Variants in MAST3 observed in about 807,000 individuals in gnomAD.
MAST3 encodes the protein microtubule associated serine/threonine kinase 3, also known as microtubule-associated serine/threonine-protein kinase 3.
MAST3 carries 43 observed loss-of-function variants against 127.0 expected under a neutral mutation model. That is an observed-to-expected ratio of 0.34 (90% CI 0.27 to 0.44). The LOEUF (loss-of-function observed/expected upper bound fraction) is 0.44, where lower values mean the gene tolerates loss of function less well. Among genes scored for constraint, MAST3 ranks in the 20% least tolerant of loss-of-function variants. MAST3 has a pLI of 1.00. For synonymous variants in MAST3, 785 were observed against 809.2 expected, an observed-to-expected ratio of 0.97 and a Z score of 0.51; for missense variants, 1,390 against 1,919.1, an observed-to-expected ratio of 0.72 and a Z score of 5.15.
chr19:18,146,896 T>A lies in MAST3; in HGVS notation c.3178T>A (p.Ser1060Thr), dbSNP rs1046504298. ...CCTCCCGCAGAGCGGCAACAAGATA[T>A]CCCTGCGGACCACAGCCCTGGAGAA... ...ELLLKSGNKI[S>T]LRTTALENTS... Residue 1060 changes from serine (S) to threonine (T), a missense_variant, in exon 26 of 28, where the codon TCC becomes ACC. Around this residue, in one of 5 missense-constraint regions of MAST3, gnomAD observed 816 missense variants for 934.1 expected, o/e 0.87. Coordinates refer to ENST00000687212, the MANE Select transcript of MAST3 (RefSeq NM_001393504.1). The A allele has an allele frequency of 3.9e-6, 6 of 1,554,948 alleles. No individual in the cohort carries two copies. The East Asian group carries it at 1.2e-4, about 31-fold the overall frequency.
chr19:18,147,075 G>A (rs1475620729), intron 26 of MAST3, 31 bp downstream of exon 26: 2 of 1,436,388 alleles, frequency 1.4e-6, no homozygotes, highest in Non-Finnish European at 1.8e-6. Flanking sequence ...CGGGGACTGG[G>A]GTTCTTTTTT....
At chr19:18,123,403 G>T (rs371334707) in intron 7 of MAST3, 29 bp downstream of exon 7, 161 of 1,591,670 alleles carry the variant, frequency 1.0e-4, no homozygotes, top group Non-Finnish European at 5.3e-5. Flanking sequence ...CCCCAGCCCC[G>T]GCCCCTCCCT....
intron 27 of MAST3, among the ~76,000 whole-genome samples, chr19:18,148,618 A>C (rs1014934030): frequency 2.0e-5 from 3 of 152,044 alleles, no homozygotes; most frequent in Non-Finnish European, 4.4e-5. Context: ...AAAGTCTGGC[A>C]TGAACCAGGC....
intron 11 of MAST3, among the ~76,000 whole-genome samples, chr19:18,127,214 C>T (rs2040752742): frequency 6.6e-6 from 1 of 152,038 alleles, no homozygotes; most frequent in Admixed American, 6.6e-5. Context: ...GGCACCACTG[C>T]ACTCCAGCCT....
intron 1 of MAST3, among the ~76,000 whole-genome samples, chr19:18,105,076 C>T (rs1169466862): frequency 1.3e-5 from 2 of 152,096 alleles, no homozygotes; most frequent in African/African-American, 4.8e-5. Context: ...TTTAATAAAC[C>T]CTCGTGATTG....
At chr19:18,135,867 G>A (rs1178064005) in intron 18 of MAST3, 26 bp downstream of exon 18, 6 of 1,561,654 alleles carry the variant, frequency 3.8e-6, no homozygotes, top group East Asian at 2.3e-5. Context: ...GAGAACCCAG[G>A]TGGGTGGCTC....
chr19:18,148,250 G>A (rs1447207304), intron 27 of MAST3, among the ~76,000 whole-genome samples: 3 of 151,716 alleles, frequency 2.0e-5, no homozygotes, highest in Non-Finnish European at 4.4e-5. Context: ...GCGGTGAGCC[G>A]AGATTGAGCC....
chr19:18,117,521 G>T (rs273476), intron 3 of MAST3, among the ~76,000 whole-genome samples: 1 of 152,126 alleles, frequency 6.6e-6, no homozygotes, highest in South Asian at 2.1e-4. Flanking sequence ...GGAGCCCCCA[G>T]CCTGGGGAAG....
At chr19:18,126,938 G>A (rs903533634) in intron 11 of MAST3, among the ~76,000 whole-genome samples, 10 of 151,244 alleles carry the variant, frequency 6.6e-5, no homozygotes, top group African/African-American at 2.2e-4. Flanking sequence ...CCGCCACCAC[G>A]CCCGGCTAAT....
At chr19:18,130,136 C>T (rs537716644) in intron 13 of MAST3, among the ~76,000 whole-genome samples, 2 of 151,616 alleles carry the variant, frequency 1.3e-5, no homozygotes, top group African/African-American at 2.4e-5. Context: ...TCATTTGAGC[C>T]GGGGGGGTGG....
intron 3 of MAST3, among the ~76,000 whole-genome samples, chr19:18,116,088 A>ATTTTTTTTT (rs2039190139): frequency 2.4e-5 from 1 of 41,406 alleles, no homozygotes; most frequent in African/African-American, 1.3e-4. Flanking sequence ...ATTTGAAATT[A>ATTTTTTTTT]TCTTTTTTTT....
At chr19:18,138,952 C>A (rs2042163529) in intron 19 of MAST3, 63 bp from the exon 20 acceptor site, 2 of 1,159,936 alleles carry the variant, frequency 1.7e-6, no homozygotes, top group South Asian at 1.3e-5. Context: ...CCCGTATTGC[C>A]ACACCGCCCT....
chr19:18,123,734 G>C (rs900619574), intron 8 of MAST3, 79 bp downstream of exon 8: 1 of 1,252,320 alleles, frequency 8.0e-7, no homozygotes, highest in African/African-American at 1.5e-5. Context: ...CTGTCTTCCT[G>C]GCTATGTCCC....
In MAST3 at chr19:18,143,768, G is replaced by A. The variant is rs938470941; in HGVS notation, c.2345G>A (p.Arg782Lys). ...CAGGCTCTTCCTCCCTGCAGGCTGA[G>A]GTCCTGGACATCCTCTGGATCCTCC... ...GRRLSADIRL[R>K]SWTSSGSSCQ... The change falls in exon 22 of 28, where the codon AGG becomes AAG. Residue 782 changes from arginine to lysine, a missense_variant. Physicochemically the swap from Arg to Lys is conservative, Grantham distance 26 (BLOSUM62 2). This residue lies in a region of MAST3 where 816 missense variants were observed against 934.1 expected (regional missense o/e 0.87). Transcript: ENST00000687212. 1 of 1,613,448 alleles carries A rather than the reference G, an allele frequency of 6.2e-7. No individual in the cohort carries two copies. Among genetic ancestry groups the A allele is most frequent in the Admixed American group, 1.7e-5 (1 of 59,974 alleles).
At chr19:18,139,729 G>A (rs868592773) in intron 20 of MAST3, among the ~76,000 whole-genome samples, 1 of 152,134 alleles carries the variant, frequency 6.6e-6, no homozygotes, top group African/African-American at 2.4e-5. Flanking sequence ...CTAAAGCGCT[G>A]GGATTACAGG....
chr19:18,121,492 G>A (rs931432516), intron 3 of MAST3, among the ~76,000 whole-genome samples, 193 bp from the exon 4 acceptor site: 1 of 152,236 alleles, frequency 6.6e-6, no homozygotes, highest in Non-Finnish European at 1.5e-5. Context: ...GTTAGTTGAG[G>A]GGTGATTCCC....
At position 18,121,698 on chromosome 19, in the gene MAST3, A is replaced by C; in HGVS notation, c.175A>C (p.Asn59His). The change falls in exon 4 of 28, where the codon AAC (asparagine) becomes CAC (histidine). Residue 59 changes from asparagine (N) to histidine (H), a missense_variant. By Grantham distance (68) the Asn-to-His change is moderately conservative. Transcript: ENST00000687212. ...GLHPWSCRSG[N>H]RKSLVVGTPS... ...TTCCCCCCACAGCTGCCGCAGCGGGAACCGCAAGAGCTTGGTGGTAGGAAC... is the reference window on the plus strand; with the variant it reads ...TTCCCCCCACAGCTGCCGCAGCGGGCACCGCAAGAGCTTGGTGGTAGGAAC... 1 of 1,613,872 alleles carries C rather than the reference A, an allele frequency of 6.2e-7. No individual in the cohort carries two copies. Among genetic ancestry groups the C allele is most frequent in the Non-Finnish European group, 8.5e-7 (1 of 1,179,862 alleles).
At position 18,144,549 on chromosome 19, in the gene MAST3, G is replaced by C. The variant is rs8108738; in HGVS notation, c.2668G>C (p.Gly890Arg). The C allele has an allele frequency of 6.2e-7, 1 of 1,609,832 alleles. No homozygotes were observed. The highest frequency in any genetic ancestry group is 2.2e-5 in the East Asian group (1 of 44,838). The change falls in exon 23 of 28, where the codon GGC becomes CGC. Residue 890 changes from glycine to arginine, a missense_variant. Physicochemically the swap from Gly to Arg is moderately radical, Grantham distance 125 (BLOSUM62 -2). Around this residue, in one of 5 missense-constraint regions of MAST3, gnomAD observed 816 missense variants for 934.1 expected, o/e 0.87. Coordinates refer to ENST00000687212, the MANE Select transcript of MAST3 (RefSeq NM_001393504.1). The surrounding 1 kb of genome is among the most constrained non-coding windows in gnomAD (Gnocchi z 4.0). Reference sequence around the variant, plus strand: ...CTCCACACCAAGGCCTCTGGATGCCGGCCGGGGCCGCCGCCTTGGGGGCCC... The same window carrying C: ...CTCCACACCAAGGCCTCTGGATGCCCGCCGGGGCCGCCGCCTTGGGGGCCC... ...RHSTPRPLDA[G>R]RGRRLGGPRD...
intron 1 of MAST3, chr19:18,098,893 G>A: frequency 2.3e-6 from 1 of 440,216 alleles, no homozygotes; most frequent in East Asian, 7.0e-5. Context: ...TGACCCCACG[G>A]AGTGATCAGT....
Sources: allele counts gnomAD v4.1 joint callset (sites outside exome capture counted in the v4.1 genomes callset), GRCh38; gene constraint gnomAD v4.1.1; regional missense constraint gnomAD v4.1.1; non-coding constraint Gnocchi (gnomAD v3.1); transcripts MANE v1.5; gene names NCBI Gene and HGNC (gene_info 2026-07-23, HGNC 2026-07-21).